Variants in PIK3C2G observed in about 807,000 individuals in gnomAD.
PIK3C2G encodes phosphatidylinositol 3-kinase C2 domain-containing subunit gamma.
A neutral mutation model predicts 181.1 loss-of-function variants in PIK3C2G; 168 were observed. The observed-to-expected ratio is 0.93, with a 90% CI of 0.82 to 1.05. PIK3C2G has a LOEUF of 1.05. PIK3C2G is among the 50% of genes least tolerant of loss of function. PIK3C2G has a pLI of 0.00. For synonymous variants in PIK3C2G, 573 were observed against 592.2 expected (o/e 0.97, Z 0.47); for missense variants, 1,869 against 1,732.8 (o/e 1.08, Z -1.40).
chr12:18,535,457 T>C (rs556202796), intron 24 of PIK3C2G, among the ~76,000 whole-genome samples: 4 of 152,216 alleles, frequency 2.6e-5, no homozygotes, highest in Admixed American at 1.3e-4. Context: ...TGTTATGGTG[T>C]TTCTGCATCT....
chr12:18,483,834 A>C (rs1173566900), intron 18 of PIK3C2G, among the ~76,000 whole-genome samples: 1 of 152,230 alleles, frequency 6.6e-6, no homozygotes, highest in Non-Finnish European at 1.5e-5. Flanking sequence ...TTATGGCAAC[A>C]AAGATTTATT....
chr12:18,682,340 G>A, the PIK3C2G span, among the ~76,000 whole-genome samples: 10 of 152,096 alleles, frequency 6.6e-5, no homozygotes, highest in African/African-American at 2.4e-4. Context: ...TATTAGTTAG[G>A]ATTCCATTGC....
At chr12:18,699,658 C>A in the PIK3C2G span, 3 of 930,430 alleles carry the variant, frequency 3.2e-6, no homozygotes, top group Non-Finnish European at 5.1e-6. Context: ...GTATGTAACC[C>A]CATTCTAAAT....
At chr12:18,269,909 T>C (rs1284420640) in intron 1 of PIK3C2G, among the ~76,000 whole-genome samples, 1 of 119,030 alleles carries the variant, frequency 8.4e-6, no homozygotes, top group East Asian at 2.1e-4. Context: ...TTTTTTTTCT[T>C]TTCTTTTTTT....
At chr12:18,551,294 G>T (rs995859076) in intron 26 of PIK3C2G, among the ~76,000 whole-genome samples, 4 of 151,970 alleles carry the variant, frequency 2.6e-5, no homozygotes, top group African/African-American at 9.7e-5. Context: ...GGCAACAAAG[G>T]CAGCCATCCA....
chr12:18,303,035 A>T (rs1321085901), intron 5 of PIK3C2G, among the ~76,000 whole-genome samples: 1 of 152,166 alleles, frequency 6.6e-6, no homozygotes, highest in Non-Finnish European at 1.5e-5. Context: ...GTACACACAG[A>T]TGCAGTAGGC....
chr12:18,350,162 G>C (rs1184961675), intron 11 of PIK3C2G, among the ~76,000 whole-genome samples: 1 of 152,144 alleles, frequency 6.6e-6, no homozygotes, highest in African/African-American at 2.4e-5. Context: ...ATCAGTGAAA[G>C]TGAGTCCAGA....
At chr12:18,490,678 A>C (rs1940478978) in intron 19 of PIK3C2G, among the ~76,000 whole-genome samples, 1 of 152,198 alleles carries the variant, frequency 6.6e-6, no homozygotes, top group African/African-American at 2.4e-5. Context: ...AATGACCTCC[A>C]GTTCCATCCA....
chr12:18,648,983 T>C (rs1031699313), downstream of PIK3C2G, among the ~76,000 whole-genome samples: 15 of 152,156 alleles, frequency 9.9e-5, no homozygotes, highest in African/African-American at 3.6e-4. Flanking sequence ...ACCTCCTCTA[T>C]ATCATATGAG....
chr12:18,569,516 CT>C (rs1313958981), intron 29 of PIK3C2G, among the ~76,000 whole-genome samples: 1 of 152,060 alleles, frequency 6.6e-6, no homozygotes, highest in Non-Finnish European at 1.5e-5. Flanking sequence ...TAGAATTTAT[CT>C]GTAGATACTT....
rs1414743660 is a variant in PIK3C2G at position 18,290,905 on chromosome 12, TC to T, written c.813del (p.Trp272GlyfsTer43). The stretch of plus-strand genomic sequence containing the variant: ...GATGTTAATTTCAATTCTGGGAAGA[TC>T]TGGAGCACTACTACAGCATTTCCGT... ...AADVNFNSGK[I>X]WSTTTAFPYQ... On this transcript the variant is annotated frameshift_variant, in exon 4 of 33. Transcript: ENST00000538779. LOFTEE classifies it high-confidence loss of function. The T allele has an allele frequency of 6.3e-7, 1 of 1,599,284 alleles. No homozygotes were observed. The highest frequency in any genetic ancestry group is 2.2e-5 in the East Asian group (1 of 44,712).
intron 13 of PIK3C2G, among the ~76,000 whole-genome samples, chr12:18,374,972 G>A (rs1051467330): frequency 6.6e-6 from 1 of 152,162 alleles, no homozygotes; most frequent in African/African-American, 2.4e-5. Context: ...GGAAAACTGT[G>A]AGCCAATTAA....
At chr12:18,564,448 G>C (rs2136342583) in intron 28 of PIK3C2G, among the ~76,000 whole-genome samples, 1 of 150,336 alleles carries the variant, frequency 6.7e-6, no homozygotes, top group East Asian at 1.9e-4. Context: ...TTTTTACTCG[G>C]CTTTCAGGAT....
At chr12:18,471,365 C>G (rs1236955032) in intron 18 of PIK3C2G, among the ~76,000 whole-genome samples, 1 of 152,146 alleles carries the variant, frequency 6.6e-6, no homozygotes, top group African/African-American at 2.4e-5. Context: ...TACTGCTCTC[C>G]CCGGTGCTAC....
At chr12:18,311,190 A>T (rs536756796) in intron 5 of PIK3C2G, among the ~76,000 whole-genome samples, 28 of 152,172 alleles carry the variant, frequency 1.8e-4, no homozygotes, top group African/African-American at 6.7e-4. Context: ...ATTCCACCAT[A>T]TACACACACA....
intron 20 of PIK3C2G, among the ~76,000 whole-genome samples, chr12:18,494,747 TATGGTC>T (rs1180231875): frequency 6.6e-6 from 1 of 152,158 alleles, no homozygotes; most frequent in East Asian, 1.9e-4. Context: ...TACCATGATA[TATGGTC>T]ATGTGATCCC....
chr12:18,600,555 T>A (rs1247720192), intron 30 of PIK3C2G, among the ~76,000 whole-genome samples: 1 of 151,706 alleles, frequency 6.6e-6, no homozygotes, highest in Non-Finnish European at 1.5e-5. Flanking sequence ...AATAAATGAG[T>A]CACTATCTAA....
intron 15 of PIK3C2G, among the ~76,000 whole-genome samples, 159 bp downstream of exon 15, chr12:18,391,411 G>A (rs1484430918): frequency 6.6e-6 from 1 of 152,096 alleles, no homozygotes; most frequent in Non-Finnish European, 1.5e-5. Context: ...TAATGTTTAG[G>A]ACGTAAATAA....
At chr12:18,255,191 G>C (rs1948132052) in intron 1 of PIK3C2G, among the ~76,000 whole-genome samples, 1 of 148,198 alleles carries the variant, frequency 6.7e-6, no homozygotes, top group Non-Finnish European at 1.5e-5. Flanking sequence ...ACTCCAGCCT[G>C]GGCAATGAGT....
Sources: allele counts gnomAD v4.1 joint callset (sites outside exome capture counted in the v4.1 genomes callset), GRCh38; gene constraint gnomAD v4.1.1; transcripts MANE v1.5; gene names NCBI Gene and HGNC (gene_info 2026-07-23, HGNC 2026-07-21).